Variants in ANO7 observed in about 807,000 individuals in gnomAD.
ANO7 encodes anoctamin-7.
A neutral mutation model predicts 115.8 loss-of-function variants in ANO7; 114 were observed. The observed-to-expected ratio is 0.98, with a 90% CI of 0.85 to 1.15. ANO7 has a LOEUF of 1.15. Ranked by LOEUF, ANO7 falls within the 50% of genes most tolerant of loss-of-function variation. The pLI is 0.00. For synonymous variants in ANO7, 550 were observed against 498.2 expected (o/e 1.10, Z -1.38); for missense variants, 1,302 against 1,201.2 (o/e 1.08, Z -1.24).
In ANO7 at chr2:241,188,698, C is replaced by T. The variant is rs1200753193; in HGVS notation, c.-76C>T. The stretch of plus-strand genomic sequence containing the variant: ...CCGCAGTGAGGACGGGACTCTACTG[C>T]CGAGACCAGGCTCACGCTGAGAGGT... On this transcript the variant is annotated 5_prime_UTR_variant, in exon 1 of 25. Coordinates refer to ENST00000674324, the MANE Select transcript of ANO7 (RefSeq NM_001370694.2). The surrounding 1 kb of genome is among the most constrained non-coding windows in gnomAD (Gnocchi z 4.3). 6.2e-7 allele frequency: 1 copy of T among 1,613,486 alleles called. No individual in the cohort carries two copies.
downstream of ANO7, chr2:241,230,251 G>T: frequency 6.3e-7 from 1 of 1,592,950 alleles, no homozygotes; most frequent in Non-Finnish European, 8.6e-7. The surrounding 1 kb of genome is among the most constrained non-coding windows in gnomAD (Gnocchi z 5.0). Context: ...GCTCCGCTCT[G>T]TGGGAAGCGA....
At chr2:241,210,732 T>G (rs1469675441) in intron 15 of ANO7, among the ~76,000 whole-genome samples, 162 bp downstream of exon 15, 1 of 152,208 alleles carries the variant, frequency 6.6e-6, no homozygotes, top group East Asian at 1.9e-4. Context: ...CAAGCTGGAG[T>G]GCACTGGCAC....
At chr2:241,211,816 A>G (rs1454470514) in intron 15 of ANO7, among the ~76,000 whole-genome samples, 1 of 152,132 alleles carries the variant, frequency 6.6e-6, no homozygotes, top group Non-Finnish European at 1.5e-5. Flanking sequence ...CCGAGCCTCT[A>G]TTCTGTTTCT....
At chr2:241,191,988 G>A (rs1188226595) in intron 3 of ANO7, among the ~76,000 whole-genome samples, 1 of 152,222 alleles carries the variant, frequency 6.6e-6, no homozygotes, top group Non-Finnish European at 1.5e-5. Context: ...CACCCGCAAT[G>A]TCATTCACTG....
chr2:241,196,065 T>C, intron 4 of ANO7: 1 of 1,421,108 alleles, frequency 7.0e-7, no homozygotes, highest in Non-Finnish European at 9.2e-7. Flanking sequence ...CACACTCAGC[T>C]CTCTCATGGA....
chr2:241,200,439 C>T (rs932405181), intron 6 of ANO7, among the ~76,000 whole-genome samples: 2 of 152,216 alleles, frequency 1.3e-5, no homozygotes, highest in Non-Finnish European at 2.9e-5. Flanking sequence ...GACAGATAAC[C>T]CCCCCAAGGC....
Position 241,224,368 on chromosome 2 carries a change from C to G in ANO7, c.*215C>G. On this transcript the variant is annotated 3_prime_UTR_variant, in exon 25 of 25. Transcript: ENST00000674324. Reference sequence around the variant, plus strand: ...CCGGCAGGGAGGGACCGTCAGCTCACAAGGCCCTCTTTGTTTCCTGCTCCC... The same window carrying G: ...CCGGCAGGGAGGGACCGTCAGCTCAGAAGGCCCTCTTTGTTTCCTGCTCCC... The G allele has an allele frequency of 1.7e-6, 1 of 594,778 alleles. No individual in the cohort carries two copies. The highest frequency in any genetic ancestry group is 2.9e-5 in the East Asian group (1 of 35,066). 36.8% of individuals were successfully genotyped at this position (594,778 alleles called of 1,614,324 possible).
Position 241,224,904 on chromosome 2 carries a change from G to GT in ANO7, c.*756dup, listed in dbSNP as rs1042091119. 6.6e-6 allele frequency: 1 copy of GT among 152,300 alleles called. No individual in the cohort carries two copies. Among genetic ancestry groups the GT allele is most frequent in the African/African-American group, 2.4e-5 (1 of 41,446 alleles). 9.4% of individuals were successfully genotyped at this position (152,300 alleles called of 1,614,324 possible). A position where few individuals can be genotyped will look rare whatever the true frequency, so the allele number is the denominator to read the frequency against. ...CCCCTGGCCCAGGGCCCCTCTTGCTGTTTTTACCTCTGTTCCTTGGGGCCT... is the reference window on the plus strand; with the variant it reads ...CCCCTGGCCCAGGGCCCCTCTTGCTGTTTTTTACCTCTGTTCCTTGGGGCCT... On this transcript the variant is annotated 3_prime_UTR_variant, in exon 25 of 25. Transcript: ENST00000674324.
intron 17 of ANO7, 36 bp from the exon 18 acceptor site, chr2:241,214,769 C>T (rs371252541): frequency 6.9e-6 from 11 of 1,586,646 alleles, no homozygotes; most frequent in African/African-American, 2.7e-5. Flanking sequence ...GTGGCTGGTC[C>T]CCCTCTCCCA....
At chr2:241,196,930 C>T (rs867094956) in intron 4 of ANO7, among the ~76,000 whole-genome samples, 2 of 151,646 alleles carry the variant, frequency 1.3e-5, no homozygotes, top group African/African-American at 2.4e-5. Flanking sequence ...GGTGCCGGGC[C>T]GAGGCATGTG....
intron 16 of ANO7, 117 bp downstream of exon 16, chr2:241,212,322 C>A: frequency 1.8e-6 from 2 of 1,114,386 alleles, no homozygotes; most frequent in Non-Finnish European, 2.7e-6. Flanking sequence ...GAGGACGGAA[C>A]CGGAGACCCA....
chr2:241,218,848 TA>T (rs1436236561), intron 21 of ANO7, among the ~76,000 whole-genome samples: 2 of 152,186 alleles, frequency 1.3e-5, no homozygotes, highest in Non-Finnish European at 2.9e-5. Flanking sequence ...GTGGGCTACA[TA>T]CATCAGCTAA....
intron 9 of ANO7, 107 bp from the exon 10 acceptor site, chr2:241,204,758 G>A (rs993791829): frequency 3.9e-6 from 3 of 774,702 alleles, no homozygotes; most frequent in Non-Finnish European, 6.3e-6. Flanking sequence ...CAGCCCCCAA[G>A]CTGGGCTGAG....
At chr2:241,195,899 C>G (rs754511038) in intron 4 of ANO7, 54 bp downstream of exon 4, 2 of 1,614,046 alleles carry the variant, frequency 1.2e-6, no homozygotes, top group South Asian at 2.2e-5. Context: ...ACTCAGTGAC[C>G]CATGACCTTG....
At position 241,216,146 on chromosome 2, in the gene ANO7, C is replaced by A. The variant is rs142717351; in HGVS notation, c.1880C>A (p.Ala627Glu). The change falls in exon 19 of 25, where the codon GCG becomes GAG. Residue 627 changes from alanine (A) to glutamate (E), a missense_variant. By Grantham distance (107) the Ala-to-Glu change is moderately radical (BLOSUM62 -1). Coordinates refer to ENST00000674324, the MANE Select transcript of ANO7 (RefSeq NM_001370694.2). ...CGGCTTCGCTCCAAGAAGAGGAAGGCGGGAGCTTCTGCAGGGGCTAGCCAG... is the reference window on the plus strand; with the variant it reads ...CGGCTTCGCTCCAAGAAGAGGAAGGAGGGAGCTTCTGCAGGGGCTAGCCAG... The part of the protein sequence containing the change: ...KFRLRSKKRK[A>E]GASAGASQGP... 8.1e-6 allele frequency: 13 copies of A among 1,613,154 alleles called. No homozygotes were observed. The highest frequency in any genetic ancestry group is 1.6e-4 in the Middle Eastern group (1 of 6,080).
At chr2:241,230,113 G>A, downstream of ANO7, 1 of 1,591,270 alleles carries the variant, frequency 6.3e-7, no homozygotes, top group Non-Finnish European at 8.6e-7. This position sits in a 1 kb window ranked among gnomAD's most constrained non-coding sequence, Gnocchi z 5.0. Flanking sequence ...CGGTGGACGT[G>A]CCAGGGCGCC....
chr2:241,236,995 C>T, the ANO7 span, among the ~76,000 whole-genome samples: 23 of 93,174 alleles, frequency 2.5e-4, no homozygotes, highest in Non-Finnish European at 3.9e-4. Context: ...GGGGGGGGGG[C>T]GGCAATGAAG....
Position 241,195,762 on chromosome 2 carries a change from G to T in ANO7, c.226G>T (p.Ala76Ser), listed in dbSNP as rs779375425. ...LKLDRQQDSA[A>S]RDRTDMHRTW... ...GCTAGACAGGCAGCAGGACAGTGCC[G>T]CCCGGGACAGAACAGACATGCACAG... is the stretch of plus-strand genomic sequence containing the variant. Residue 76 changes from alanine to serine, a missense_variant, in exon 4 of 25, where the codon GCC becomes TCC. Coordinates refer to ENST00000674324, the MANE Select transcript of ANO7 (RefSeq NM_001370694.2). 4 of 1,614,246 alleles carry T rather than the reference G, an allele frequency of 2.5e-6. No homozygotes were observed. The highest frequency in any genetic ancestry group is 2.2e-5 in the South Asian group (2 of 91,086).
At position 241,217,898 on chromosome 2, in the gene ANO7, C is replaced by T; in HGVS notation, c.2178+7C>T. 2.0e-6 allele frequency: 3 copies of T among 1,519,868 alleles called. No homozygotes were observed. Among genetic ancestry groups the T allele is most frequent in the Non-Finnish European group, 2.6e-6 (3 of 1,136,258 alleles). The allele number at this position is 1,519,868 out of a possible 1,614,324, so 94.1% of individuals were successfully genotyped here. On this transcript the variant is annotated splice_region_variant and intron_variant, in intron 20 of 24. Transcript: ENST00000674324. ...CCTGGCGGTCATCAGCAACGTGAGG[C>T]CCGGGCGGGAGCGCGGGGCGGGGCG...
Sources: gnomAD v4.1 joint callset for allele counts (sites outside exome capture counted in the v4.1 genomes callset) on GRCh38, gnomAD v4.1.1 for gene constraint, Gnocchi (gnomAD v3.1) non-coding constraint, MANE v1.5 for transcripts, NCBI Gene and HGNC (gene_info 2026-07-23, HGNC 2026-07-21) for gene names.